The following TNFSF4 variants were observed in gnomAD, a reference collection of about 807,000 sequenced individuals.
The protein encoded by TNFSF4 is TNF superfamily member 4, also known as tumor necrosis factor ligand superfamily member 4.
In TNFSF4, 4 loss-of-function variants were observed where a neutral mutation model predicts 7.3. The ratio of observed to expected loss-of-function variants is 0.55; its 90% CI spans 0.27 to 1.25. The LOEUF (loss-of-function observed/expected upper bound fraction) is 1.25, where lower values mean the gene tolerates loss of function less well. Among genes scored for constraint, TNFSF4 ranks in the 50% most tolerant of loss-of-function variants. The pLI is 0.12. For missense variants in TNFSF4, 181 were observed against 208.8 expected (o/e 0.87, Z 0.82); for synonymous variants, 76 against 83.7 (o/e 0.91, Z 0.50).
chr1:173,247,055 C>T, the TNFSF4 span, among the ~76,000 whole-genome samples: 2 of 152,188 alleles, frequency 1.3e-5, no homozygotes, highest in Admixed American at 6.5e-5. Context: ...CCCTACCAAA[C>T]CTTGTCTCAG....
At chr1:173,393,023 A>C in the TNFSF4 span, among the ~76,000 whole-genome samples, 1 of 152,154 alleles carries the variant, frequency 6.6e-6, no homozygotes, top group Non-Finnish European at 1.5e-5. Context: ...GTGGGGGACA[A>C]AAGGATACAA....
the TNFSF4 span, among the ~76,000 whole-genome samples, chr1:173,250,470 T>G: frequency 6.6e-6 from 1 of 150,824 alleles, no homozygotes; most frequent in African/African-American, 2.4e-5. Context: ...TTTGTTTTTT[T>G]TTTTTTTGAG....
At chr1:173,352,785 C>T in the TNFSF4 span, among the ~76,000 whole-genome samples, 4 of 86,500 alleles carry the variant, frequency 4.6e-5, no homozygotes, top group Admixed American at 1.3e-4. Context: ...TTCTAGCAAG[C>T]CTGGGGGTGC....
chr1:173,398,409 C>CTTTTTTTTTTTTTTTTT, the TNFSF4 span, among the ~76,000 whole-genome samples: 14 of 101,538 alleles, frequency 1.4e-4, no homozygotes, highest in Admixed American at 3.4e-4. Context: ...TATTTCTTTT[C>CTTTTTTTTTTTTTTTTT]TTTTTTTTTT....
the TNFSF4 span, among the ~76,000 whole-genome samples, chr1:173,398,951 G>A: frequency 6.6e-6 from 1 of 152,298 alleles, no homozygotes; most frequent in Admixed American, 6.5e-5. Context: ...GTCCTGCACA[G>A]ATAACTTCTG....
the TNFSF4 span, among the ~76,000 whole-genome samples, chr1:173,264,635 G>A: frequency 4.6e-5 from 7 of 152,064 alleles, no homozygotes; most frequent in Non-Finnish European, 7.4e-5. Flanking sequence ...AACCAATCAG[G>A]CAAAGCAAAC....
intron 1 of TNFSF4, among the ~76,000 whole-genome samples, chr1:173,190,531 G>A (rs1277901369): frequency 6.6e-6 from 1 of 152,238 alleles, no homozygotes; most frequent in Non-Finnish European, 1.5e-5. Flanking sequence ...TGAGTTCAAT[G>A]TGCTGAGCAC....
chr1:173,339,049 T>C, the TNFSF4 span, among the ~76,000 whole-genome samples: 3 of 152,110 alleles, frequency 2.0e-5, no homozygotes, highest in East Asian at 5.8e-4. Flanking sequence ...GGACTACTAA[T>C]GACCTAGACC....
chr1:173,213,733 A>C, the TNFSF4 span, among the ~76,000 whole-genome samples: 13 of 152,254 alleles, frequency 8.5e-5, no homozygotes, highest in Admixed American at 2.6e-4. Flanking sequence ...TTTTCTTTAA[A>C]TAGAAATCAT....
chr1:173,284,464 G>C, the TNFSF4 span, among the ~76,000 whole-genome samples: 307 of 152,314 alleles, frequency 2.0e-3, no homozygotes, highest in African/African-American at 7.0e-3. Context: ...AATTGATAAA[G>C]GTGGCTCTAC....
the TNFSF4 span, among the ~76,000 whole-genome samples, chr1:173,293,374 A>G: frequency 1.3e-5 from 2 of 152,124 alleles, no homozygotes; most frequent in African/African-American, 2.4e-5. Flanking sequence ...CAATGAGGAA[A>G]AGACTCTTCA....
At chr1:173,353,425 C>T in the TNFSF4 span, among the ~76,000 whole-genome samples, 5 of 152,118 alleles carry the variant, frequency 3.3e-5, no homozygotes, top group East Asian at 1.9e-4. Context: ...TCTGACTTCC[C>T]GCAACACATG....
At chr1:173,313,660 C>G in the TNFSF4 span, among the ~76,000 whole-genome samples, 5 of 152,160 alleles carry the variant, frequency 3.3e-5, no homozygotes, top group East Asian at 9.7e-4. Flanking sequence ...GATAACCTCT[C>G]TGAGGATCCA....
rs138207323 is a variant in TNFSF4, at chr1:173,193,163, A to G, written c.154-4594T>C. 5.0e-3 allele frequency among the ~76,000 whole-genome samples: 758 copies of G among 152,296 alleles called. 2 individuals carry two copies. Among genetic ancestry groups the G allele is most frequent in the Non-Finnish European group, 7.2e-3 (493 of 68,014 alleles). On this transcript the variant is annotated intron_variant, in intron 1 of 2. Coordinates refer to ENST00000281834, the MANE Select transcript of TNFSF4 (RefSeq NM_003326.5). Reference sequence around the variant, plus strand: ...GGTTGACAGAAAACAATCAGAAGACATTTGGTCTACCCCCACACATAGACT... The same window carrying G: ...GGTTGACAGAAAACAATCAGAAGACGTTTGGTCTACCCCCACACATAGACT...
chr1:173,287,219 C>A, the TNFSF4 span, among the ~76,000 whole-genome samples: 1 of 152,116 alleles, frequency 6.6e-6, no homozygotes, highest in Non-Finnish European at 1.5e-5. Flanking sequence ...CTTGTAGTCC[C>A]AGCTACTTGG....
At chr1:173,245,696 A>G in the TNFSF4 span, among the ~76,000 whole-genome samples, 22 of 152,244 alleles carry the variant, frequency 1.4e-4, no homozygotes, top group Admixed American at 1.4e-3. Flanking sequence ...TATTCCTTCT[A>G]TCTAACTGTA....
At chr1:173,244,638 T>A in the TNFSF4 span, among the ~76,000 whole-genome samples, 1 of 120,386 alleles carries the variant, frequency 8.3e-6, no homozygotes, top group Non-Finnish European at 1.6e-5. Flanking sequence ...CGAGACTCTG[T>A]CTCAAAAAAA....
At chr1:173,382,329 T>C in the TNFSF4 span, among the ~76,000 whole-genome samples, 2 of 152,104 alleles carry the variant, frequency 1.3e-5, no homozygotes, top group Non-Finnish European at 2.9e-5. Flanking sequence ...TGGACACATC[T>C]GAAGGAACAC....
the TNFSF4 span, among the ~76,000 whole-genome samples, chr1:173,380,917 C>T: frequency 6.6e-6 from 1 of 152,150 alleles, no homozygotes; most frequent in Non-Finnish European, 1.5e-5. Flanking sequence ...CCTATATCTG[C>T]CTCCCCACTA....
Sources: allele counts gnomAD v4.1 joint callset (sites outside exome capture counted in the v4.1 genomes callset), GRCh38; gene constraint gnomAD v4.1.1; transcripts MANE v1.5; gene names NCBI Gene and HGNC (gene_info 2026-07-23, HGNC 2026-07-21).